Variants in SLC5A3 observed in about 807,000 individuals in gnomAD.
SLC5A3 encodes solute carrier family 5 member 3.
A neutral mutation model predicts 43.2 loss-of-function variants in SLC5A3; 10 were observed. That is an observed-to-expected ratio of 0.23 (90% confidence interval 0.14 to 0.39). SLC5A3 has a LOEUF of 0.39. Among genes scored for constraint, SLC5A3 ranks in the 10% least tolerant of loss-of-function variants. The pLI is 1.00. For missense variants in SLC5A3, 608 were observed against 893.4 expected (o/e 0.68, Z 4.07); for synonymous variants, 349 against 322.0 (o/e 1.08, Z -0.90).
intron 1 of SLC5A3, among the ~76,000 whole-genome samples, chr21:34,074,477 G>T (rs911838777): frequency 1.3e-5 from 2 of 152,194 alleles, no homozygotes; most frequent in Admixed American, 6.5e-5. Context: ...TGATCTTGAG[G>T]TAGGGGATTT....
In SLC5A3 at chr21:34,103,555, C is replaced by G; in HGVS notation, c.*6200C>G. The G allele has an allele frequency of 5.0e-6, 5 of 1,000,042 alleles. No homozygotes were observed. The highest frequency in any genetic ancestry group is 6.0e-6 in the Non-Finnish European group (5 of 829,890). 61.9% of individuals were successfully genotyped at this position (1,000,042 alleles called of 1,614,324 possible). A position where few individuals can be genotyped will look rare whatever the true frequency, so the allele number is the denominator to read the frequency against. On this transcript the variant is annotated 3_prime_UTR_variant, in exon 2 of 2. Transcript: ENST00000381151. ...ACAGTTTATATTCCATGATAGAAAG[C>G]TAAAGTCCATAGAAAGCACAAAATC... is the stretch of plus-strand genomic sequence containing the variant.
At chr21:34,079,781 C>G (rs1055437856) in intron 1 of SLC5A3, among the ~76,000 whole-genome samples, 1 of 151,690 alleles carries the variant, frequency 6.6e-6, no homozygotes, top group African/African-American at 2.4e-5. Flanking sequence ...GATTTGCCAC[C>G]TTTTTTAACA....
At chr21:34,080,777 ATACT>A (rs1490911659) in intron 1 of SLC5A3, among the ~76,000 whole-genome samples, 1 of 152,234 alleles carries the variant, frequency 6.6e-6, no homozygotes, top group Admixed American at 6.5e-5. Flanking sequence ...TATATGGTAG[ATACT>A]TACTAAGCTG....
intron 1 of SLC5A3, among the ~76,000 whole-genome samples, chr21:34,081,612 C>A (rs1989460942): frequency 6.6e-6 from 1 of 152,090 alleles, no homozygotes; most frequent in African/African-American, 2.4e-5. Flanking sequence ...GATTGTAGCA[C>A]CTACTTCCTA....
chr21:34,104,909 A>G lies in SLC5A3; in HGVS notation c.*7554A>G, dbSNP rs1979408646. On this transcript the variant is annotated 3_prime_UTR_variant, in exon 2 of 2. Transcript: ENST00000381151. ...GATTTCTTTGGCAGAAATGCCTTTC[A>G]TCTATAATTTCATGGAGAACTGCTT... 3 of 1,000,214 alleles carry G rather than the reference A, an allele frequency of 3.0e-6. No homozygotes were observed. The highest frequency in any genetic ancestry group is 2.4e-6 in the Non-Finnish European group (2 of 829,918). The allele number at this position is 1,000,214 out of a possible 1,614,324, so 62.0% of individuals were successfully genotyped here.
rs77950765 is a variant in SLC5A3, at chr21:34,086,037, A to G, written c.-336-8826A>G. Among the ~76,000 whole-genome samples the G allele has an allele frequency of 7.5e-3, 1,141 of 152,332 alleles. 13 individuals carry two copies. The highest frequency in any genetic ancestry group is 0.026 in the African/African-American group (1,095 of 41,570). On this transcript the variant is annotated intron_variant, in intron 1 of 1. Coordinates refer to ENST00000381151, the MANE Select transcript of SLC5A3 (RefSeq NM_006933.7). ...TTCTGGTTGACTCTGAATCTAAACA[A>G]GGTCCACAAATTATGTTTGCTTAAT... is the stretch of plus-strand genomic sequence containing the variant.
At chr21:34,077,699 AT>A (rs1217718268) in intron 1 of SLC5A3, among the ~76,000 whole-genome samples, 3 of 152,248 alleles carry the variant, frequency 2.0e-5, no homozygotes, top group African/African-American at 4.8e-5. Context: ...TATATTTTAC[AT>A]TTAGATAACT....
At position 34,104,212 on chromosome 21, in the gene SLC5A3, ATTTGCTAGAGGAGCTAC is replaced by A; in HGVS notation, c.*6864_*6880del. The A allele has an allele frequency of 1.0e-6, 1 of 1,000,112 alleles. No individual in the cohort carries two copies. The highest frequency in any genetic ancestry group is 1.2e-6 in the Non-Finnish European group (1 of 829,934). The allele number at this position is 1,000,112 out of a possible 1,614,324, so 62.0% of individuals were successfully genotyped here. A position where few individuals can be genotyped will look rare whatever the true frequency, so the allele number is the denominator to read the frequency against. ...GAGCATCAGACTAATTCTGAAGCATATTTGCTAGAGGAGCTACTTTGCTTTTCACAATGGGGTGGAGA... is the reference window on the plus strand; with the variant it reads ...GAGCATCAGACTAATTCTGAAGCATATTTGCTTTTCACAATGGGGTGGAGA... On this transcript the variant is annotated 3_prime_UTR_variant, in exon 2 of 2. Transcript: ENST00000381151.
chr21:34,092,419 G>A (rs1156955568), intron 1 of SLC5A3, among the ~76,000 whole-genome samples: 1 of 152,114 alleles, frequency 6.6e-6, no homozygotes, highest in Non-Finnish European at 1.5e-5. Context: ...ACTGTCCGCA[G>A]TGGCTTTGAA....
In SLC5A3 at chr21:34,099,827, T is replaced by C; in HGVS notation, c.*2472T>C. The C allele has an allele frequency of 1.7e-6, 1 of 594,260 alleles. No individual in the cohort carries two copies. The allele number at this position is 594,260 out of a possible 1,614,324, so 36.8% of individuals were successfully genotyped here. A position where few individuals can be genotyped will look rare whatever the true frequency, so the allele number is the denominator to read the frequency against. On this transcript the variant is annotated 3_prime_UTR_variant, in exon 2 of 2. Transcript: ENST00000381151. Reference sequence around the variant, plus strand: ...TTTATTCTTGCCAGTATAAACATCATTTTATTTAGACTAAAGTCCCTGAAG... The same window carrying C: ...TTTATTCTTGCCAGTATAAACATCACTTTATTTAGACTAAAGTCCCTGAAG...
chr21:34,081,467 T>C (rs1378310428), intron 1 of SLC5A3, among the ~76,000 whole-genome samples: 2 of 152,372 alleles, frequency 1.3e-5, no homozygotes, highest in South Asian at 4.1e-4. Context: ...CTGATTTTTT[T>C]GTTTTCTATT....
At position 34,103,133 on chromosome 21, in the gene SLC5A3, CCAAA is replaced by C; in HGVS notation, c.*5780_*5783del. The C allele has an allele frequency of 2.0e-6, 2 of 999,816 alleles. No homozygotes were observed. Among genetic ancestry groups the C allele is most frequent in the South Asian group, 9.4e-5 (2 of 21,280 alleles). The allele number at this position is 999,816 out of a possible 1,614,324, so 61.9% of individuals were successfully genotyped here. A position where few individuals can be genotyped will look rare whatever the true frequency, so the allele number is the denominator to read the frequency against. ...GAGGCTTATTGCTATTGCAGAAATC[CCAAA>C]CTGGCAAAGGCCAGTATATATGGTA... On this transcript the variant is annotated 3_prime_UTR_variant, in exon 2 of 2. Coordinates refer to ENST00000381151, the MANE Select transcript of SLC5A3 (RefSeq NM_006933.7).
chr21:34,092,963 ACTGCG>A (rs1978780576), intron 1 of SLC5A3, among the ~76,000 whole-genome samples: 2 of 152,212 alleles, frequency 1.3e-5, no homozygotes, highest in African/African-American at 4.8e-5. Context: ...GGGTTTCATA[ACTGCG>A]AACAGCAGTT....
intron 1 of SLC5A3, among the ~76,000 whole-genome samples, chr21:34,081,809 C>T (rs1400496772): frequency 6.6e-6 from 1 of 152,112 alleles, no homozygotes; most frequent in Non-Finnish European, 1.5e-5. Context: ...TCATTATTCC[C>T]AGTTTATTAA....
chr21:34,077,834 C>G (rs1489449642), intron 1 of SLC5A3, among the ~76,000 whole-genome samples: 1 of 152,032 alleles, frequency 6.6e-6, no homozygotes, highest in Non-Finnish European at 1.5e-5. Context: ...AGTTGGTTTT[C>G]TGGTAGAGTG....
Position 34,100,640 on chromosome 21 carries a change from G to A in SLC5A3, c.*3285G>A. The stretch of plus-strand genomic sequence containing the variant: ...GAAATTAGCTGGGACCCATCACTCT[G>A]TGAAACTTCACATTTTAAGAACTGA... On this transcript the variant is annotated 3_prime_UTR_variant, in exon 2 of 2. Coordinates refer to ENST00000381151, the MANE Select transcript of SLC5A3 (RefSeq NM_006933.7). The A allele has an allele frequency of 1.0e-6, 1 of 1,000,202 alleles. No homozygotes were observed. The highest frequency in any genetic ancestry group is 1.2e-6 in the Non-Finnish European group (1 of 829,976). 62.0% of individuals were successfully genotyped at this position (1,000,202 alleles called of 1,614,324 possible).
intron 1 of SLC5A3, among the ~76,000 whole-genome samples, chr21:34,087,104 T>C (rs1306025310): frequency 6.6e-6 from 1 of 152,144 alleles, no homozygotes; most frequent in Non-Finnish European, 1.5e-5. Context: ...TTGAGGGAGA[T>C]GGTGGCTCCA....
Position 34,102,659 on chromosome 21 carries a change from T to C in SLC5A3, c.*5304T>C. Reference sequence around the variant, plus strand: ...TTGGTTACCTGGGTTCACAGCTTGCTTGAAGAGAAAGGATGCTAGAATAAA... The same window carrying C: ...TTGGTTACCTGGGTTCACAGCTTGCCTGAAGAGAAAGGATGCTAGAATAAA... On this transcript the variant is annotated 3_prime_UTR_variant, in exon 2 of 2. Coordinates refer to ENST00000381151, the MANE Select transcript of SLC5A3 (RefSeq NM_006933.7). 2 of 1,000,166 alleles carry C rather than the reference T, an allele frequency of 2.0e-6. No individual in the cohort carries two copies. Among genetic ancestry groups the C allele is most frequent in the Non-Finnish European group, 2.4e-6 (2 of 829,882 alleles). The allele number at this position is 1,000,166 out of a possible 1,614,324, so 62.0% of individuals were successfully genotyped here.
At chr21:34,083,995 G>C (rs1828275261) in intron 1 of SLC5A3, among the ~76,000 whole-genome samples, 1 of 152,156 alleles carries the variant, frequency 6.6e-6, no homozygotes, top group African/African-American at 2.4e-5. Flanking sequence ...CAATGCAAGA[G>C]GAAAATCCAG....
Sources: allele counts gnomAD v4.1 joint callset (sites outside exome capture counted in the v4.1 genomes callset), GRCh38; gene constraint gnomAD v4.1.1; transcripts MANE v1.5; gene names NCBI Gene and HGNC (gene_info 2026-07-23, HGNC 2026-07-21).